The following BCL2 variants were observed in gnomAD, a reference collection of about 807,000 sequenced individuals.
The protein encoded by BCL2 is BCL2 apoptosis regulator, also known as apoptosis regulator Bcl-2.
A neutral mutation model predicts 14.2 loss-of-function variants in BCL2; 1 was observed. The observed-to-expected ratio is 0.07, with a 90% CI of 0.02 to 0.33. The LOEUF is 0.33. Ranked by LOEUF, BCL2 falls within the 10% of genes least tolerant of loss-of-function variation. BCL2 has a pLI of 0.99. For missense variants in BCL2, 247 were observed against 305.9 expected, an observed-to-expected ratio of 0.81 and a Z score of 1.44; for synonymous variants, 151 against 137.2, an observed-to-expected ratio of 1.10 and a Z score of -0.70.
intron 2 of BCL2, among the ~76,000 whole-genome samples, chr18:63,290,393 GAGACAATGAGTCAAGAC>G (rs1912612705): frequency 6.6e-6 from 1 of 152,134 alleles, no homozygotes; most frequent in Non-Finnish European, 1.5e-5. Context: ...AAAAAAAAGT[GAGACAATGAGTCAAGAC>G]AGACAGTATT....
At chr18:63,239,527 A>G (rs1365230708) in intron 2 of BCL2, among the ~76,000 whole-genome samples, 1 of 152,208 alleles carries the variant, frequency 6.6e-6, no homozygotes, top group African/African-American at 2.4e-5. Flanking sequence ...GGATCACCTG[A>G]GGTCAGGAGT....
At chr18:63,164,825 C>T (rs1915004620) in intron 2 of BCL2, among the ~76,000 whole-genome samples, 1 of 152,186 alleles carries the variant, frequency 6.6e-6, no homozygotes, top group South Asian at 2.1e-4. Context: ...GTAATGGAAA[C>T]CTTGGTAGCC....
At chr18:63,130,708 T>C (rs1166524439) in intron 2 of BCL2, among the ~76,000 whole-genome samples, 1 of 152,262 alleles carries the variant, frequency 6.6e-6, no homozygotes, top group Non-Finnish European at 1.5e-5. Context: ...TTCATGTTTA[T>C]AGTGTTTAAA....
At chr18:63,145,073 C>T (rs1192212949) in intron 2 of BCL2, among the ~76,000 whole-genome samples, 1 of 152,172 alleles carries the variant, frequency 6.6e-6, no homozygotes, top group Non-Finnish European at 1.5e-5. Context: ...AAAAGCCCTC[C>T]TATTTACAGG....
At chr18:63,302,704 A>C in intron 2 of BCL2, 1 of 985,174 alleles carries the variant, frequency 1.0e-6, no homozygotes, top group Non-Finnish European at 1.2e-6. Context: ...ATAAATGAGA[A>C]AGTAGGGGGG....
At chr18:63,243,226 C>A (rs1361541471) in intron 2 of BCL2, among the ~76,000 whole-genome samples, 1 of 152,174 alleles carries the variant, frequency 6.6e-6, no homozygotes, top group East Asian at 1.9e-4. Flanking sequence ...ATGGATGGAG[C>A]TGGAGGCCAT....
chr18:63,252,812 CTTTGTAAA>C (rs910042883), intron 2 of BCL2, among the ~76,000 whole-genome samples: 2 of 152,264 alleles, frequency 1.3e-5, no homozygotes, highest in Non-Finnish European at 1.5e-5. Flanking sequence ...GACTAATACA[CTTTGTAAA>C]TTTGATGGGG....
chr18:63,300,664 T>A (rs1912938959), intron 2 of BCL2, among the ~76,000 whole-genome samples: 1 of 152,202 alleles, frequency 6.6e-6, no homozygotes, highest in Non-Finnish European at 1.5e-5. Flanking sequence ...ACTCTTTGAC[T>A]CTTCCTACAG....
chr18:63,300,098 A>C (rs947242115), intron 2 of BCL2, among the ~76,000 whole-genome samples: 2 of 152,234 alleles, frequency 1.3e-5, no homozygotes, highest in Admixed American at 6.5e-5. Flanking sequence ...GCAGCTCCTC[A>C]CAAAAACCAC....
At chr18:63,297,928 T>C (rs1912846638) in intron 2 of BCL2, among the ~76,000 whole-genome samples, 1 of 152,198 alleles carries the variant, frequency 6.6e-6, no homozygotes, top group Non-Finnish European at 1.5e-5. Context: ...CACGTGTCCC[T>C]GGGATCCGTA....
intron 2 of BCL2, among the ~76,000 whole-genome samples, chr18:63,185,350 C>T (rs553792756): frequency 2.0e-5 from 3 of 152,286 alleles, no homozygotes; most frequent in African/African-American, 7.2e-5. Flanking sequence ...TGTGATTTCA[C>T]AAAGTATGGT....
At chr18:63,310,025 G>C (rs926603410) in intron 2 of BCL2, among the ~76,000 whole-genome samples, 4 of 151,890 alleles carry the variant, frequency 2.6e-5, no homozygotes, top group African/African-American at 9.7e-5. Context: ...ACCACACCTG[G>C]CTAATTTTTC....
chr18:63,226,649 C>T (rs938304309), intron 2 of BCL2, among the ~76,000 whole-genome samples: 1 of 151,572 alleles, frequency 6.6e-6, no homozygotes, highest in Non-Finnish European at 1.5e-5. Context: ...ATTTTTTTTG[C>T]AAACAACAGT....
At chr18:63,174,586 G>A (rs1370719593) in intron 2 of BCL2, among the ~76,000 whole-genome samples, 3 of 152,096 alleles carry the variant, frequency 2.0e-5, no homozygotes, top group African/African-American at 7.2e-5. Context: ...TTGGGAGGCC[G>A]AGGCGGGTGT....
chr18:63,277,817 G>A (rs947482203), intron 2 of BCL2, among the ~76,000 whole-genome samples: 2 of 152,104 alleles, frequency 1.3e-5, no homozygotes, highest in South Asian at 2.1e-4. Flanking sequence ...AAAGGAGGGG[G>A]AAACACTTTT....
intron 2 of BCL2, among the ~76,000 whole-genome samples, chr18:63,156,602 A>C (rs2144614116): frequency 6.6e-6 from 1 of 152,258 alleles, no homozygotes; most frequent in East Asian, 1.9e-4. Flanking sequence ...GCACTGCAAG[A>C]ACGTCCCACC....
At chr18:63,140,321 C>G (rs58158929) in intron 2 of BCL2, among the ~76,000 whole-genome samples, 1 of 152,126 alleles carries the variant, frequency 6.6e-6, no homozygotes, top group Non-Finnish European at 1.5e-5. Context: ...TGAAATTGCA[C>G]GTTCACACGA....
At position 63,156,369 on chromosome 18, in the gene BCL2, C is replaced by T. The variant is rs1914782448; in HGVS notation, c.586-27610G>A. Among the ~76,000 whole-genome samples the T allele has an allele frequency of 1.3e-5, 2 of 152,152 alleles. 1 individual carries two copies. The highest frequency in any genetic ancestry group is 4.1e-4 in the South Asian group (2 of 4,824). ...TCTTTGTTGTGGGGAGGACGGGCTG[C>T]CCTGTGCACTGGAGGATGTTTAGCA... On this transcript the variant is annotated intron_variant, in intron 2 of 2. Transcript: ENST00000333681.
At chr18:63,146,312 C>T (rs4987818) in intron 2 of BCL2, among the ~76,000 whole-genome samples, 293 of 152,326 alleles carry the variant, frequency 1.9e-3, no homozygotes, top group African/African-American at 6.4e-3. Context: ...GCCATAGCTG[C>T]GAGGGACCTT....
Sources: gnomAD v4.1 joint callset for allele counts (sites outside exome capture counted in the v4.1 genomes callset) on GRCh38, gnomAD v4.1.1 for gene constraint, MANE v1.5 for transcripts, NCBI Gene and HGNC (gene_info 2026-07-23, HGNC 2026-07-21) for gene names.